Variants in SYNDIG1 observed in about 807,000 individuals in gnomAD.
The protein encoded by SYNDIG1 is synapse differentiation-inducing gene protein 1.
Under a neutral mutation model 19.4 loss-of-function variants are expected in SYNDIG1, and 9 were observed. The ratio of observed to expected loss-of-function variants is 0.46; its 90% CI spans 0.28 to 0.81. The LOEUF is 0.81. Among genes scored for constraint, SYNDIG1 ranks in the 30% least tolerant of loss-of-function variants. SYNDIG1 has a pLI of 0.12. For synonymous variants in SYNDIG1, 141 were observed against 145.9 expected (o/e 0.97, Z 0.24); for missense variants, 311 against 343.3 (o/e 0.91, Z 0.74).
Position 24,584,935 on chromosome 20 carries a change from T to G in SYNDIG1, c.560T>G (p.Phe187Cys), listed in dbSNP as rs772237666. Residue 187 changes from phenylalanine (F) to cysteine (C), a missense_variant, in exon 3 of 4, where the codon TTC becomes TGC. Physicochemically the swap from Phe to Cys is radical, Grantham distance 205 (BLOSUM62 -2). Transcript: ENST00000376862. ...CGGGACCACCTGGGCCTCAGTGTCT[T>G]CTCCATGCTCTGCTGCTTCTGGCCT... ...PPRDHLGLSV[F>C]SMLCCFWPLG... is the part of the protein sequence containing the mutation. The G allele has an allele frequency of 6.2e-7, 1 of 1,613,922 alleles. No individual in the cohort carries two copies. The highest frequency in any genetic ancestry group is 8.5e-7 in the Non-Finnish European group (1 of 1,179,990).
chr20:24,650,282 A>G (rs2059457116), intron 3 of SYNDIG1, among the ~76,000 whole-genome samples: 1 of 152,256 alleles, frequency 6.6e-6, no homozygotes, highest in Non-Finnish European at 1.5e-5. Context: ...GTTTGTACAA[A>G]TGCTGTGTCT....
intron 1 of SYNDIG1, chr20:24,502,466 C>T (rs1203812429): frequency 6.6e-6 from 1 of 152,194 alleles, no homozygotes; most frequent in Non-Finnish European, 1.5e-5. Flanking sequence ...CTGGCCTCTC[C>T]AGGATGAATC....
chr20:24,646,895 A>G (rs1216535288), intron 3 of SYNDIG1, among the ~76,000 whole-genome samples: 1 of 152,184 alleles, frequency 6.6e-6, no homozygotes, highest in Non-Finnish European at 1.5e-5. Flanking sequence ...TGCTGAGATT[A>G]CAGGCATGAG....
intron 2 of SYNDIG1, among the ~76,000 whole-genome samples, chr20:24,543,997 G>A (rs1384086024): frequency 6.6e-6 from 1 of 152,200 alleles, no homozygotes; most frequent in Non-Finnish European, 1.5e-5. Context: ...ACTGTCACCT[G>A]TGGTTCCTTG....
At chr20:24,504,509 C>T (rs2056538785) in intron 1 of SYNDIG1, among the ~76,000 whole-genome samples, 1 of 152,122 alleles carries the variant, frequency 6.6e-6, no homozygotes, top group South Asian at 2.1e-4. Flanking sequence ...TCTCTGGATG[C>T]CACCCTCACC....
intron 1 of SYNDIG1, among the ~76,000 whole-genome samples, chr20:24,498,166 G>A (rs919226950): frequency 6.6e-5 from 10 of 152,198 alleles, no homozygotes; most frequent in Admixed American, 1.3e-4. Context: ...CGTGTTTAAC[G>A]TATGCAACTT....
At chr20:24,656,376 A>G (rs1034678531) in intron 3 of SYNDIG1, among the ~76,000 whole-genome samples, 2 of 152,234 alleles carry the variant, frequency 1.3e-5, no homozygotes, top group African/African-American at 4.8e-5. Flanking sequence ...CTGATTTAAT[A>G]ATAGAATATC....
chr20:24,665,659 C>A lies in SYNDIG1; in HGVS notation c.*155C>A. The A allele has an allele frequency of 9.2e-7, 1 of 1,086,876 alleles. No homozygotes were observed. The highest frequency in any genetic ancestry group is 1.3e-6 in the Non-Finnish European group (1 of 774,816). The allele number at this position is 1,086,876 out of a possible 1,614,324, so 67.3% of individuals were successfully genotyped here. ...CCCATGGATTTATTTTGTTTTTATC[C>A]TTTAATTTCATGTTCACAGCACTGT... On this transcript the variant is annotated 3_prime_UTR_variant, in exon 4 of 4. Coordinates refer to ENST00000376862, the MANE Select transcript of SYNDIG1 (RefSeq NM_024893.3).
chr20:24,497,700 A>G (rs958844932), intron 1 of SYNDIG1, among the ~76,000 whole-genome samples: 6 of 152,208 alleles, frequency 3.9e-5, no homozygotes, highest in Non-Finnish European at 5.9e-5. Context: ...TTAAATGGAT[A>G]CAAGGGCTTC....
intron 3 of SYNDIG1, among the ~76,000 whole-genome samples, chr20:24,636,889 A>G (rs960062498): frequency 3.3e-5 from 5 of 152,262 alleles, no homozygotes; most frequent in Non-Finnish European, 7.3e-5. Flanking sequence ...CATTATTATA[A>G]GATAAAATCT....
intron 2 of SYNDIG1, among the ~76,000 whole-genome samples, chr20:24,552,282 A>C (rs768342018): frequency 6.6e-6 from 1 of 152,148 alleles, no homozygotes. Context: ...CACTGAGACG[A>C]TTATTGCCAA....
chr20:24,600,944 C>CA (rs150845024), intron 3 of SYNDIG1, among the ~76,000 whole-genome samples: 4,633 of 152,260 alleles, frequency 0.03, 152 homozygotes, highest in African/African-American at 0.083. Flanking sequence ...ACTGCACTTG[C>CA]AAAGCCACAT....
intron 3 of SYNDIG1, among the ~76,000 whole-genome samples, chr20:24,650,141 C>T (rs1415916826): frequency 6.6e-6 from 1 of 152,204 alleles, no homozygotes; most frequent in African/African-American, 2.4e-5. Context: ...GCAAGTTCCA[C>T]TCTGTGAGTG....
intron 3 of SYNDIG1, among the ~76,000 whole-genome samples, chr20:24,590,147 C>A (rs2058483492): frequency 6.6e-6 from 1 of 152,108 alleles, no homozygotes; most frequent in South Asian, 2.1e-4. Context: ...TGGCGGGGCT[C>A]GCGGAGAGGA....
rs188297652 is a variant in SYNDIG1, at chr20:24,557,704, A to C, written c.480+14127A>C. On this transcript the variant is annotated intron_variant, in intron 2 of 3. Transcript: ENST00000376862. ...GGAGTACCCGGCCATGTGAGGTGTC[A>C]GTCTGCCCGTACTGGGGGGTGCCTC... Among the ~76,000 whole-genome samples the C allele has an allele frequency of 2.2e-3, 337 of 152,256 alleles. 8 individuals are homozygous for C. The highest frequency in any genetic ancestry group is 0.02 in the Admixed American group (308 of 15,294).
chr20:24,660,086 T>G (rs1027795461), intron 3 of SYNDIG1, among the ~76,000 whole-genome samples: 23 of 152,216 alleles, frequency 1.5e-4, no homozygotes, highest in Non-Finnish European at 1.2e-4. Flanking sequence ...TCTCTGAAAT[T>G]TATTCCATGA....
intron 1 of SYNDIG1, among the ~76,000 whole-genome samples, chr20:24,538,015 C>T (rs2057395717): frequency 6.6e-6 from 1 of 152,162 alleles, no homozygotes; most frequent in African/African-American, 2.4e-5. Context: ...TCTTTTATTT[C>T]ATCTGTAAAT....
intron 2 of SYNDIG1, among the ~76,000 whole-genome samples, chr20:24,579,049 T>C (rs2058279482): frequency 6.6e-6 from 1 of 152,190 alleles, no homozygotes. Flanking sequence ...AACATATAAA[T>C]GTTATAGATT....
intron 1 of SYNDIG1, among the ~76,000 whole-genome samples, chr20:24,484,572 G>A (rs928934152): frequency 6.6e-6 from 1 of 152,116 alleles, no homozygotes; most frequent in African/African-American, 2.4e-5. Context: ...GAGACCCCAC[G>A]TTTCACTGAG....
Sources: allele counts gnomAD v4.1 joint callset (sites outside exome capture counted in the v4.1 genomes callset), GRCh38; gene constraint gnomAD v4.1.1; transcripts MANE v1.5; gene names NCBI Gene and HGNC (gene_info 2026-07-23, HGNC 2026-07-21).